The following GTSE1 variants were observed in gnomAD, a reference collection of about 807,000 sequenced individuals.
GTSE1 encodes G2 and S-phase expressed 1.
GTSE1 carries 52 observed loss-of-function variants against 60.5 expected under a neutral mutation model. That is an observed-to-expected ratio of 0.86 (90% CI 0.69 to 1.08). The LOEUF is 1.08. Among genes scored for constraint, GTSE1 ranks in the 50% least tolerant of loss-of-function variants. The probability of loss-of-function intolerance (pLI) is 0.00; values close to 1 mark genes in which losing one functional copy is unlikely to be tolerated. For synonymous variants in GTSE1, 368 were observed against 386.5 expected (o/e 0.95, Z 0.56); for missense variants, 937 against 961.8 (o/e 0.97, Z 0.34).
rs537090889 is a variant in GTSE1 at position 46,327,633 on chromosome 22, C to T, written c.1724+979C>T. ...GAGGTTGGGGTGAGCCAAGATCGCA[C>T]CACTGCACTCCAGCCTGTGCAACAG... On this transcript the variant is annotated intron_variant, in intron 9 of 11. Transcript: ENST00000454366. Among the ~76,000 whole-genome samples the T allele has an allele frequency of 8.5e-5, 13 of 152,272 alleles. No homozygotes were observed. In the South Asian group the frequency reaches 2.1e-3, roughly 24 times the overall value.
rs959047381 is a variant in GTSE1, at chr22:46,314,547, G to A, written c.1051+534G>A. On this transcript the variant is annotated intron_variant, in intron 6 of 11. Coordinates refer to ENST00000454366, the MANE Select transcript of GTSE1 (RefSeq NM_016426.7). This position sits in a 1 kb window ranked among gnomAD's most constrained non-coding sequence, Gnocchi z 7.1. ...ATTGGCCATGTGGCGTCTCGGGGTCGTTCAGGGCAGCATGGTGTGGATTGT... is the reference window on the plus strand; with the variant it reads ...ATTGGCCATGTGGCGTCTCGGGGTCATTCAGGGCAGCATGGTGTGGATTGT... 6.6e-5 allele frequency among the ~76,000 whole-genome samples: 10 copies of A among 152,064 alleles called. No homozygotes were observed. Among genetic ancestry groups the A allele is most frequent in the Non-Finnish European group, 8.8e-5 (6 of 68,020 alleles).
At chr22:46,298,103 C>G (rs1164823678) in intron 2 of GTSE1, among the ~76,000 whole-genome samples, 1 of 151,918 alleles carries the variant, frequency 6.6e-6, no homozygotes, top group Admixed American at 6.6e-5. Flanking sequence ...ACTGGGATTA[C>G]AGGCACCCGC....
intron 2 of GTSE1, among the ~76,000 whole-genome samples, chr22:46,299,735 A>G (rs999594420): frequency 7.9e-5 from 12 of 152,052 alleles, no homozygotes; most frequent in African/African-American, 2.4e-4. Flanking sequence ...CTTTCTACAC[A>G]GTAACGTCAC....
rs1354706469 is a variant in GTSE1, at chr22:46,319,765, C to A, written c.1432+3353C>A. On this transcript the variant is annotated intron_variant, in intron 7 of 11. Coordinates refer to ENST00000454366, the MANE Select transcript of GTSE1 (RefSeq NM_016426.7). This position sits in a 1 kb window ranked among gnomAD's most constrained non-coding sequence, Gnocchi z 5.0. ...CTTTGGGAGGCCGAGGTGAGCAGAT[C>A]ACCTGAGGTCAGGAGTTCGAGAGCA... Among the ~76,000 whole-genome samples, 3 of 152,068 alleles carry A rather than the reference C, an allele frequency of 2.0e-5. No individual in the cohort carries two copies. Among genetic ancestry groups the A allele is most frequent in the Admixed American group, 2.0e-4 (3 of 15,260 alleles).
rs773778778 is a variant in GTSE1 at position 46,308,372 on chromosome 22, G to A, written c.191G>A (p.Cys64Tyr). ...FFGPFGHKERCIAASLELNNP... is the reference protein window; with the variant it reads ...FFGPFGHKERYIAASLELNNP... Reference sequence around the variant, plus strand: ...GGACCCTTTGGACATAAAGAAAGATGTATTGCTGCCAGCTTGGAATTAAAT... The same window carrying A: ...GGACCCTTTGGACATAAAGAAAGATATATTGCTGCCAGCTTGGAATTAAAT... The change falls in exon 4 of 12, where the codon TGT (cysteine) becomes TAT (tyrosine). Residue 64 changes from cysteine to tyrosine, a missense_variant. By Grantham distance (194) the Cys-to-Tyr change is radical. Transcript: ENST00000454366. 19 of 1,613,976 alleles carry A rather than the reference G, an allele frequency of 1.2e-5. No homozygotes were observed. The East Asian group carries it at 4.2e-4, about 36-fold the overall frequency.
chr22:46,323,165 C>A, intron 7 of GTSE1, 25 bp from the exon 8 acceptor site: 1 of 1,558,444 alleles, frequency 6.4e-7, no homozygotes, highest in Non-Finnish European at 8.9e-7. Flanking sequence ...TTTACCTGAC[C>A]GCACACTTCC....
chr22:46,322,567 T>C (rs901511474), intron 7 of GTSE1, among the ~76,000 whole-genome samples: 2 of 152,206 alleles, frequency 1.3e-5, no homozygotes, highest in African/African-American at 4.8e-5. Context: ...GTGGCGGGAC[T>C]GGACCTCTGG....
chr22:46,308,845 G>A lies in GTSE1; in HGVS notation c.664G>A (p.Ala222Thr). 1 of 1,613,286 alleles carries A rather than the reference G, an allele frequency of 6.2e-7. No homozygotes were observed. The highest frequency in any genetic ancestry group is 8.5e-7 in the Non-Finnish European group (1 of 1,180,036). The change falls in exon 4 of 12, where the codon GCA becomes ACA. Residue 222 changes from alanine to threonine, a missense_variant. Ala to Thr is a moderately conservative substitution (Grantham distance 58). Coordinates refer to ENST00000454366, the MANE Select transcript of GTSE1 (RefSeq NM_016426.7). ...CAGGGAATCATGCACTGCTCATGCT[G>A]CAAGTCAGGCAGCGACTCAGAGGAA... ...LPRESCTAHA[A>T]SQAATQRKPG...
chr22:46,313,547 C>T lies in GTSE1; in HGVS notation c.928-343C>T, dbSNP rs2077760774. ...TTGTTGAGACGGAGTCTCACTCTGT[C>T]GCCCAGGCTGGAGTGCAATGGCACG... is the stretch of plus-strand genomic sequence containing the variant. On this transcript the variant is annotated intron_variant, in intron 5 of 11. Coordinates refer to ENST00000454366, the MANE Select transcript of GTSE1 (RefSeq NM_016426.7). The surrounding 1 kb of genome is among the most constrained non-coding windows in gnomAD (Gnocchi z 4.4). Among the ~76,000 whole-genome samples the T allele has an allele frequency of 6.6e-6, 1 of 152,214 alleles. No homozygotes were observed. The highest frequency in any genetic ancestry group is 2.4e-5 in the African/African-American group (1 of 41,456).
At chr22:46,301,695 G>A (rs960649003) in intron 2 of GTSE1, among the ~76,000 whole-genome samples, 3 of 151,768 alleles carry the variant, frequency 2.0e-5, no homozygotes, top group African/African-American at 7.3e-5. Context: ...CACCATGTTG[G>A]CCAGGCTGGT....
At chr22:46,312,354 GC>G in intron 5 of GTSE1, 49 bp downstream of exon 5, 1 of 1,552,464 alleles carries the variant, frequency 6.4e-7, no homozygotes, top group Non-Finnish European at 8.8e-7. Flanking sequence ...GAATGAGGTG[GC>G]AGCTGTGTGT....
In GTSE1 at chr22:46,316,234, C is replaced by A; in HGVS notation, c.1254C>A (p.Pro418=). 1.9e-6 allele frequency: 3 copies of A among 1,613,808 alleles called. No homozygotes were observed. The highest frequency in any genetic ancestry group is 1.6e-4 in the Middle Eastern group (1 of 6,062). ...EQLTAPPSAS[P]TQPQTPEGGG... ...TCACGGCACCCCCCTCAGCATCCCC[C>A]ACCCAACCCCAGACTCCGGAAGGTG... The change falls in exon 7 of 12, where the codon CCC becomes CCA. Residue 418 remains proline (P), a synonymous_variant. Transcript: ENST00000454366. The surrounding 1 kb of genome is among the most constrained non-coding windows in gnomAD (Gnocchi z 5.0).
At chr22:46,315,907 T>G in intron 6 of GTSE1, 125 bp from the exon 7 acceptor site, 1 of 757,542 alleles carries the variant, frequency 1.3e-6, no homozygotes, top group Non-Finnish European at 2.1e-6. Flanking sequence ...CTGAAGGGCT[T>G]ATAGAATATT....
Position 46,308,189 on chromosome 22 carries a change from T to C in GTSE1, c.119T>C (p.Leu40Pro). The C allele has an allele frequency of 1.2e-6, 2 of 1,613,536 alleles. No homozygotes were observed. Among genetic ancestry groups the C allele is most frequent in the Non-Finnish European group, 1.7e-6 (2 of 1,179,454 alleles). The stretch of plus-strand genomic sequence containing the variant: ...GCCGATGAAAAATTTGACTTCGATC[T>C]TTCATTGTCTTCTTCGAGGTAAACA... ...LLADEKFDFD[L>P]SLSSSSANED... The change falls in exon 3 of 12, where the codon CTT becomes CCT. Residue 40 changes from leucine to proline, a missense_variant. Transcript: ENST00000454366.
Position 46,314,313 on chromosome 22 carries a change from T to C in GTSE1, c.1051+300T>C, listed in dbSNP as rs1173277108. On this transcript the variant is annotated intron_variant, in intron 6 of 11. Coordinates refer to ENST00000454366, the MANE Select transcript of GTSE1 (RefSeq NM_016426.7). This position sits in a 1 kb window ranked among gnomAD's most constrained non-coding sequence, Gnocchi z 7.1. ...GACACTGGAATCACCCTCATGTCCA[T>C]GTCATGAGACACCAGTTTTAAAATA... 2.0e-5 allele frequency among the ~76,000 whole-genome samples: 3 copies of C among 152,340 alleles called. No individual in the cohort carries two copies. The highest frequency in any genetic ancestry group is 1.3e-4 in the Admixed American group (2 of 15,298).
At position 46,314,291 on chromosome 22, in the gene GTSE1, A is replaced by G. The variant is rs534281345; in HGVS notation, c.1051+278A>G. Among the ~76,000 whole-genome samples, 1 of 152,342 alleles carries G rather than the reference A, an allele frequency of 6.6e-6. No individual in the cohort carries two copies. Among genetic ancestry groups the G allele is most frequent in the East Asian group, 1.9e-4 (1 of 5,186 alleles). The stretch of plus-strand genomic sequence containing the variant: ...ATACCCCGTGCCTGAGAACATGGAC[A>G]CTGGAATCACCCTCATGTCCATGTC... On this transcript the variant is annotated intron_variant, in intron 6 of 11. Coordinates refer to ENST00000454366, the MANE Select transcript of GTSE1 (RefSeq NM_016426.7). This position sits in a 1 kb window ranked among gnomAD's most constrained non-coding sequence, Gnocchi z 7.1.
rs1027647875 is a variant in GTSE1 at position 46,317,167 on chromosome 22, A to C, written c.1432+755A>C. ...TTTTTGGTAGAGACGGGGTTTCGCCATGTTGGCCAGGCTGGTCTGGAACTC... is the reference window on the plus strand; with the variant it reads ...TTTTTGGTAGAGACGGGGTTTCGCCCTGTTGGCCAGGCTGGTCTGGAACTC... On this transcript the variant is annotated intron_variant, in intron 7 of 11. Transcript: ENST00000454366. The surrounding 1 kb of genome is among the most constrained non-coding windows in gnomAD (Gnocchi z 5.6). 6.6e-6 allele frequency among the ~76,000 whole-genome samples: 1 copy of C among 151,942 alleles called. No individual in the cohort carries two copies. The highest frequency in any genetic ancestry group is 1.5e-5 in the Non-Finnish European group (1 of 67,996).
chr22:46,316,254 A>C lies in GTSE1; in HGVS notation c.1274A>C (p.Glu425Ala). 6.2e-7 allele frequency: 1 copy of C among 1,613,740 alleles called. No homozygotes were observed. Among genetic ancestry groups the C allele is most frequent in the African/African-American group, 1.3e-5 (1 of 75,034 alleles). Residue 425 changes from glutamate to alanine, a missense_variant, in exon 7 of 12, where the codon GAA becomes GCA. Glu to Ala is a moderately radical substitution (Grantham distance 107). Transcript: ENST00000454366. The surrounding 1 kb of genome is among the most constrained non-coding windows in gnomAD (Gnocchi z 5.0). ...TCCCCCACCCAACCCCAGACTCCGG[A>C]AGGTGGCGGCCAGTGGCTGAACTCC... Reference protein sequence around the residue: ...SASPTQPQTPEGGGQWLNSSC... With the variant: ...SASPTQPQTPAGGGQWLNSSC...
chr22:46,318,300 C>T lies in GTSE1; in HGVS notation c.1432+1888C>T, dbSNP rs533824506. ...TGAGGATTTTAAGTTCTGGCAGTGCCGGCCAGCACAGGCAGCCTGCAACTC... is the reference window on the plus strand; with the variant it reads ...TGAGGATTTTAAGTTCTGGCAGTGCTGGCCAGCACAGGCAGCCTGCAACTC... On this transcript the variant is annotated intron_variant, in intron 7 of 11. Transcript: ENST00000454366. The surrounding 1 kb of genome is among the most constrained non-coding windows in gnomAD (Gnocchi z 4.8). Among the ~76,000 whole-genome samples, 1 of 152,260 alleles carries T rather than the reference C, an allele frequency of 6.6e-6. No individual in the cohort carries two copies. The highest frequency in any genetic ancestry group is 1.9e-4 in the East Asian group (1 of 5,172).
Sources: allele counts gnomAD v4.1 joint callset (sites outside exome capture counted in the v4.1 genomes callset), GRCh38; gene constraint gnomAD v4.1.1; non-coding constraint Gnocchi (gnomAD v3.1); transcripts MANE v1.5; gene names NCBI Gene and HGNC (gene_info 2026-07-23, HGNC 2026-07-21).